The following SGK1 variants were observed in gnomAD, a reference collection of about 807,000 sequenced individuals.
SGK1 encodes serine/threonine-protein kinase Sgk1.
In SGK1, 26 loss-of-function variants were observed where a neutral mutation model predicts 64.2. The observed-to-expected ratio is 0.40, with a 90% CI of 0.30 to 0.56. The LOEUF is 0.56. Ranked by LOEUF, SGK1 falls within the 20% of genes least tolerant of loss-of-function variation. The probability of loss-of-function intolerance (pLI) is 0.38; values close to 1 mark genes in which losing one functional copy is unlikely to be tolerated. For synonymous variants in SGK1, 265 were observed against 239.7 expected (o/e 1.11, Z -0.98); for missense variants, 519 against 645.6 (o/e 0.80, Z 2.12).
chr6:134,278,399 G>T (rs181410679), intron 1 of SGK1, among the ~76,000 whole-genome samples: 9 of 152,324 alleles, frequency 5.9e-5, no homozygotes, highest in Admixed American at 4.6e-4. Flanking sequence ...GCTGTACATT[G>T]CTTAATTAAA....
chr6:134,181,701 G>A (rs1364476867), intron 3 of SGK1, among the ~76,000 whole-genome samples: 3 of 151,934 alleles, frequency 2.0e-5, no homozygotes, highest in African/African-American at 4.8e-5. Context: ...ACAGAAGCTC[G>A]GGCCACCCCT....
rs538739113 is a variant in SGK1, at chr6:134,175,635, G to A, written c.362-1049C>T. 6.3e-5 allele frequency: 96 copies of A among 1,533,076 alleles called. No homozygotes were observed. In the South Asian group the frequency reaches 9.2e-4, roughly 15 times the overall value. 95.0% of individuals were successfully genotyped at this position (1,533,076 alleles called of 1,614,324 possible). On this transcript the variant is annotated intron_variant, in intron 3 of 13. Coordinates refer to ENST00000367858, the MANE Select transcript of SGK1 (RefSeq NM_001143676.3). ...GCAGCAGGGACTCGAGCCGGGCTCT[G>A]GCCAGCGCGCCCTGCATCTCCCCCA...
At chr6:134,252,539 C>T (rs1165954048) in intron 2 of SGK1, among the ~76,000 whole-genome samples, 1 of 128,532 alleles carries the variant, frequency 7.8e-6, no homozygotes, top group Non-Finnish European at 1.6e-5. Context: ...GTAAATTTAA[C>T]AACCGAGACT....
intron 1 of SGK1, among the ~76,000 whole-genome samples, chr6:134,264,415 G>T (rs1162595630): frequency 6.6e-6 from 1 of 152,010 alleles, no homozygotes; most frequent in African/African-American, 2.4e-5. Flanking sequence ...CACTGCGCCT[G>T]GCCATGAGCA....
chr6:134,267,512 T>TGAACTCCTGGTCTC (rs1324993316), intron 1 of SGK1, among the ~76,000 whole-genome samples: 7 of 152,128 alleles, frequency 4.6e-5, no homozygotes, highest in Middle Eastern at 3.4e-3. Flanking sequence ...AGGCTGGTCT[T>TGAACTCCTGGTCTC]GAACTCCTGG....
intron 1 of SGK1, among the ~76,000 whole-genome samples, chr6:134,275,650 T>A (rs1199859105): frequency 6.6e-6 from 1 of 152,160 alleles, no homozygotes; most frequent in Non-Finnish European, 1.5e-5. Flanking sequence ...CCACACAAAT[T>A]GAAAAACGCT....
At chr6:134,198,726 A>ATGTTTT (rs1775633363) in intron 3 of SGK1, among the ~76,000 whole-genome samples, 1 of 101,780 alleles carries the variant, frequency 9.8e-6, no homozygotes, top group Admixed American at 1.3e-4. Context: ...CTCTTTTTCT[A>ATGTTTT]TTTTTTTTTT....
At chr6:134,254,871 T>C (rs1776657087) in intron 2 of SGK1, among the ~76,000 whole-genome samples, 1 of 152,200 alleles carries the variant, frequency 6.6e-6, no homozygotes, top group Admixed American at 6.5e-5. Context: ...AAATCTCATT[T>C]TTTTTTTCTT....
chr6:134,171,746 C>G lies in SGK1; in HGVS notation c.1072-14G>C. Reference sequence around the variant, plus strand: ...AGGTGCGAGATACTGAAAAACAGACCAGGGAAACAGCGTTTAGAACCTGCG... The same window carrying G: ...AGGTGCGAGATACTGAAAAACAGACGAGGGAAACAGCGTTTAGAACCTGCG... On this transcript the variant is annotated splice_polypyrimidine_tract_variant and intron_variant, in intron 10 of 13. Transcript: ENST00000367858. The G allele has an allele frequency of 6.3e-7, 1 of 1,575,406 alleles. No individual in the cohort carries two copies. The highest frequency in any genetic ancestry group is 1.1e-5 in the South Asian group (1 of 90,142).
At chr6:134,240,420 T>C (rs1197000532) in intron 2 of SGK1, among the ~76,000 whole-genome samples, 2 of 151,940 alleles carry the variant, frequency 1.3e-5, no homozygotes, top group Non-Finnish European at 2.9e-5. Flanking sequence ...GAGCTAGAGA[T>C]GTATAGTGAA....
intron 1 of SGK1, among the ~76,000 whole-genome samples, chr6:134,273,727 A>G (rs1198731343): frequency 6.6e-6 from 1 of 152,012 alleles, no homozygotes; most frequent in African/African-American, 2.4e-5. Context: ...AGATGAATAG[A>G]AAACAAGCTC....
chr6:134,298,468 T>C lies in SGK1; in HGVS notation c.69+18924A>G, dbSNP rs559337414. 60 of 828,312 alleles carry C rather than the reference T, an allele frequency of 7.2e-5. 1 individual carries two copies. The African/African-American group carries it at 7.5e-4, about 10-fold the overall frequency. 51.3% of individuals were successfully genotyped at this position (828,312 alleles called of 1,614,324 possible). On this transcript the variant is annotated intron_variant, in intron 1 of 13. Coordinates refer to ENST00000367858, the MANE Select transcript of SGK1 (RefSeq NM_001143676.3). The stretch of plus-strand genomic sequence containing the variant: ...TGGATGTTGGGATCCACCTCCAGAT[T>C]AAGTGGGCTCAGCAGGCTCTGGTTG...
chr6:134,211,577 T>C (rs1035098419), intron 2 of SGK1: 1 of 152,186 alleles, frequency 6.6e-6, no homozygotes, highest in Non-Finnish European at 1.5e-5. Flanking sequence ...AAGTAAGAGG[T>C]AGACTTCATT....
At position 134,169,954 on chromosome 6, in the gene SGK1, C is replaced by T. The variant is rs1774955322; in HGVS notation, c.*314G>A. ...CGTCATCACAGCCCAGACAGATCTG[C>T]AGGAGACCTTTTTTAGAACAGCGTC... On this transcript the variant is annotated 3_prime_UTR_variant, in exon 14 of 14. Coordinates refer to ENST00000367858, the MANE Select transcript of SGK1 (RefSeq NM_001143676.3). 5.1e-6 allele frequency: 1 copy of T among 195,066 alleles called. No homozygotes were observed. Among genetic ancestry groups the T allele is most frequent in the African/African-American group, 2.3e-5 (1 of 43,578 alleles). 12.1% of individuals were successfully genotyped at this position (195,066 alleles called of 1,614,324 possible). A position where few individuals can be genotyped will look rare whatever the true frequency, so the allele number is the denominator to read the frequency against.
chr6:134,235,569 A>G (rs1300943373), intron 2 of SGK1, among the ~76,000 whole-genome samples: 1 of 149,142 alleles, frequency 6.7e-6, no homozygotes, highest in East Asian at 1.9e-4. Context: ...TTATTTATTT[A>G]TTTATTTATT....
chr6:134,292,146 T>A (rs1777276255), intron 1 of SGK1, among the ~76,000 whole-genome samples: 1 of 152,180 alleles, frequency 6.6e-6, no homozygotes, highest in Non-Finnish European at 1.5e-5. Context: ...TTGTAGAAAT[T>A]GTACACTCTT....
chr6:134,207,289 T>A, intron 3 of SGK1, 67 bp downstream of exon 3: 1 of 995,792 alleles, frequency 1.0e-6, no homozygotes, highest in Non-Finnish European at 1.5e-6. Flanking sequence ...CTTGCCTTTG[T>A]GTAGAGCTTT....
At chr6:134,291,877 A>G (rs1165938670) in intron 1 of SGK1, among the ~76,000 whole-genome samples, 2 of 152,160 alleles carry the variant, frequency 1.3e-5, no homozygotes, top group East Asian at 3.9e-4. Flanking sequence ...CCTGACCAAC[A>G]TGGTGAAACT....
At chr6:134,172,103 T>A (rs1378667416) in intron 10 of SGK1, 90 bp downstream of exon 10, 1 of 1,411,122 alleles carries the variant, frequency 7.1e-7, no homozygotes, top group Non-Finnish European at 9.8e-7. Flanking sequence ...CTGAGAGGAG[T>A]TTACTCTTTT....
Sources: allele counts gnomAD v4.1 joint callset (sites outside exome capture counted in the v4.1 genomes callset), GRCh38; gene constraint gnomAD v4.1.1; transcripts MANE v1.5; gene names NCBI Gene and HGNC (gene_info 2026-07-23, HGNC 2026-07-21).